AEN: variants seen among roughly 807,000 people sequenced by gnomAD.
AEN encodes the protein apoptosis-enhancing nuclease.
A neutral mutation model predicts 17.7 loss-of-function variants in AEN; 21 were observed. That is an observed-to-expected ratio of 1.19 (90% confidence interval 0.84 to 1.71). The LOEUF (loss-of-function observed/expected upper bound fraction) is 1.71, where lower values mean the gene tolerates loss of function less well. AEN is among the 40% of genes most tolerant of loss of function. The pLI is 0.00. For missense variants in AEN, 462 were observed against 435.9 expected, an observed-to-expected ratio of 1.06 and a Z score of -0.53; for synonymous variants, 190 against 173.0, an observed-to-expected ratio of 1.10 and a Z score of -0.77.
At chr15:88,621,949 T>A (rs2057793459) in intron 1 of AEN, 1 of 152,116 alleles carries the variant, frequency 6.6e-6, no homozygotes, top group African/African-American at 2.4e-5. Context: ...TTTCATCAGA[T>A]GTCATATGGT....
upstream of AEN, among the ~76,000 whole-genome samples, chr15:88,616,775 G>A (rs1490020832): frequency 6.6e-6 from 1 of 152,098 alleles, no homozygotes; most frequent in Non-Finnish European, 1.5e-5. Context: ...TTTATTTTCA[G>A]TACAGTCGTG....
At chr15:88,629,011 G>T in intron 2 of AEN, 2 of 576,634 alleles carry the variant, frequency 3.5e-6, no homozygotes, top group South Asian at 4.1e-5. Flanking sequence ...GACAGGTGCA[G>T]AAGACATAGG....
chr15:88,620,340 C>T (rs1225081484), upstream of AEN, among the ~76,000 whole-genome samples: 2 of 152,048 alleles, frequency 1.3e-5, no homozygotes, highest in Non-Finnish European at 2.9e-5. Flanking sequence ...CATTCGTGCT[C>T]ACATAATACG....
At chr15:88,605,503 G>A in the AEN span, among the ~76,000 whole-genome samples, 1 of 152,212 alleles carries the variant, frequency 6.6e-6, no homozygotes, top group African/African-American at 2.4e-5. This position sits in a 1 kb window ranked among gnomAD's most constrained non-coding sequence, Gnocchi z 7.6. Flanking sequence ...GCCCAGAGCC[G>A]CAGGAAAAAA....
At chr15:88,628,124 TTGG>T (rs2057878096) in intron 2 of AEN, 1 of 152,030 alleles carries the variant, frequency 6.6e-6, no homozygotes. Flanking sequence ...ATTGACCTGG[TTGG>T]TGGTGGTCCC....
At chr15:88,615,288 C>T in the AEN span, among the ~76,000 whole-genome samples, 1 of 152,134 alleles carries the variant, frequency 6.6e-6, no homozygotes, top group Non-Finnish European at 1.5e-5. Context: ...GAATAAAACT[C>T]CCCTCGATCA....
intron 1 of AEN, chr15:88,621,611 G>A (rs2141366245): frequency 6.6e-6 from 1 of 152,396 alleles, no homozygotes; most frequent in Non-Finnish European, 1.5e-5. Flanking sequence ...TGGTCGTTGG[G>A]ACTCGGCCCA....
At chr15:88,615,422 G>A in the AEN span, among the ~76,000 whole-genome samples, 8 of 152,188 alleles carry the variant, frequency 5.3e-5, no homozygotes, top group African/African-American at 1.9e-4. Context: ...GTGCCAGGCT[G>A]TGTCCTGGTA....
intron 2 of AEN, chr15:88,628,460 A>C (rs1162756977): frequency 6.6e-6 from 1 of 152,378 alleles, no homozygotes; most frequent in African/African-American, 2.4e-5. Flanking sequence ...GAGGAGGGCC[A>C]CCCAGCAGGG....
At chr15:88,624,832 G>A (rs560154424) in intron 1 of AEN, among the ~76,000 whole-genome samples, 4 of 151,406 alleles carry the variant, frequency 2.6e-5, no homozygotes, top group East Asian at 3.9e-4. Context: ...GCAGTGAGCC[G>A]AGATCACGGC....
chr15:88,621,979 G>A (rs1002507566), intron 1 of AEN, among the ~76,000 whole-genome samples: 46 of 152,138 alleles, frequency 3.0e-4, no homozygotes, highest in African/African-American at 1.1e-3. Context: ...CATTTGGGAA[G>A]CCCTTATCTA....
Position 88,630,375 on chromosome 15 carries a change from C to A in AEN, c.*81C>A. Reference sequence around the variant, plus strand: ...CCAGGAGAGCAGCGGGCACTCCTTCCTGGGCAGGGTGGGGCAGGATGCAGT... The same window carrying A: ...CCAGGAGAGCAGCGGGCACTCCTTCATGGGCAGGGTGGGGCAGGATGCAGT... On this transcript the variant is annotated 3_prime_UTR_variant, in exon 4 of 4. Coordinates refer to ENST00000332810, the MANE Select transcript of AEN (RefSeq NM_022767.4). The surrounding 1 kb of genome is among the most constrained non-coding windows in gnomAD (Gnocchi z 5.1). The A allele has an allele frequency of 7.2e-7, 1 of 1,379,698 alleles. No homozygotes were observed. Among genetic ancestry groups the A allele is most frequent in the Non-Finnish European group, 1.0e-6 (1 of 1,001,680 alleles). 85.5% of individuals were successfully genotyped at this position (1,379,698 alleles called of 1,614,324 possible). A position where few individuals can be genotyped will look rare whatever the true frequency, so the allele number is the denominator to read the frequency against.
At chr15:88,622,152 G>C (rs931924202) in intron 1 of AEN, among the ~76,000 whole-genome samples, 1 of 152,154 alleles carries the variant, frequency 6.6e-6, no homozygotes, top group South Asian at 2.1e-4. Flanking sequence ...TTCCTTTGGG[G>C]CCTTTGCTCC....
chr15:88,629,716 G>A (rs1360345557), intron 3 of AEN, among the ~76,000 whole-genome samples: 2 of 152,152 alleles, frequency 1.3e-5, no homozygotes, highest in South Asian at 2.1e-4. Context: ...TTGCATCCCT[G>A]AAGCATGGTC....
upstream of AEN, among the ~76,000 whole-genome samples, chr15:88,618,291 A>C (rs774500929): frequency 6.6e-6 from 1 of 152,164 alleles, no homozygotes; most frequent in Non-Finnish European, 1.5e-5. Context: ...TCCAAGCATA[A>C]TATATTTTCA....
the AEN span, among the ~76,000 whole-genome samples, chr15:88,612,570 CT>C: frequency 7.7e-6 from 1 of 129,664 alleles, no homozygotes; most frequent in African/African-American, 2.8e-5. Flanking sequence ...ATTTCCCAGC[CT>C]TTTATTTATT....
intron 1 of AEN, 124 bp from the exon 2 acceptor site, chr15:88,626,022 C>T (rs2057846296): frequency 1.7e-6 from 1 of 598,414 alleles, no homozygotes; most frequent in East Asian, 2.9e-5. Context: ...ATCTGGGAGC[C>T]ACGAGCTACG....
Position 88,630,012 on chromosome 15 carries a change from C to T in AEN, c.742-46C>T, listed in dbSNP as rs199529783. 3.3e-5 allele frequency: 53 copies of T among 1,592,984 alleles called. No individual in the cohort carries two copies. The East Asian group carries it at 1.2e-3, about 36-fold the overall frequency. ...GGCCTTGCTTCTTGGGGTAACAGGC[C>T]TCTCACTAGGCCTGCAGGCAGTGAT... On this transcript the variant is annotated intron_variant, in intron 3 of 3. Transcript: ENST00000332810. This position sits in a 1 kb window ranked among gnomAD's most constrained non-coding sequence, Gnocchi z 5.1.
chr15:88,623,630 G>C (rs937925044), intron 1 of AEN, among the ~76,000 whole-genome samples: 4 of 152,180 alleles, frequency 2.6e-5, no homozygotes, highest in Admixed American at 1.3e-4. Context: ...TGCTATAAGA[G>C]CTCAGCACAG....
Sources: gnomAD v4.1 joint callset for allele counts (sites outside exome capture counted in the v4.1 genomes callset) on GRCh38, gnomAD v4.1.1 for gene constraint, Gnocchi (gnomAD v3.1) non-coding constraint, MANE v1.5 for transcripts, NCBI Gene and HGNC (gene_info 2026-07-23, HGNC 2026-07-21) for gene names.